Variants in UIMC1 observed in about 807,000 individuals in gnomAD.
UIMC1 encodes BRCA1-A complex subunit RAP80.
Under a neutral mutation model 84.9 loss-of-function variants are expected in UIMC1, and 42 were observed. The ratio of observed to expected loss-of-function variants is 0.49; its 90% CI spans 0.39 to 0.64. UIMC1 has a LOEUF of 0.64. Among genes scored for constraint, UIMC1 ranks in the 30% least tolerant of loss-of-function variants. The pLI, the probability that UIMC1 is intolerant of heterozygous loss-of-function variation, is 0.00. For missense variants in UIMC1, 825 were observed against 847.6 expected (o/e 0.97, Z 0.33); for synonymous variants, 281 against 293.0 (o/e 0.96, Z 0.42).
intron 10 of UIMC1, among the ~76,000 whole-genome samples, chr5:176,914,167 T>TC (rs976278970): frequency 3.3e-5 from 5 of 152,192 alleles, no homozygotes; most frequent in African/African-American, 1.2e-4. Context: ...ATTTTTTTTT[T>TC]CTCCCCTTAA....
intron 1 of UIMC1, among the ~76,000 whole-genome samples, chr5:177,021,947 T>G (rs576624437): frequency 6.6e-6 from 1 of 152,150 alleles, no homozygotes; most frequent in South Asian, 2.1e-4. Context: ...CCACCGCGCC[T>G]GGCCGGACTT....
intron 9 of UIMC1, among the ~76,000 whole-genome samples, chr5:176,949,335 T>C (rs1369186549): frequency 6.6e-6 from 1 of 152,184 alleles, no homozygotes; most frequent in Non-Finnish European, 1.5e-5. Context: ...ATTTGATATA[T>C]AGTAGCACAG....
chr5:176,969,801 T>A, intron 4 of UIMC1, 95 bp from the exon 5 acceptor site: 1 of 965,510 alleles, frequency 1.0e-6, no homozygotes, highest in Non-Finnish European at 1.6e-6. Flanking sequence ...CCACCGTTCA[T>A]AAGACTTTCT....
At chr5:176,930,300 G>A (rs1435546839) in intron 10 of UIMC1, among the ~76,000 whole-genome samples, 1 of 151,852 alleles carries the variant, frequency 6.6e-6, no homozygotes, top group Non-Finnish European at 1.5e-5. Context: ...AAAATATATT[G>A]ACCACCATAT....
chr5:176,943,574 T>C, intron 9 of UIMC1, 86 bp from the exon 10 acceptor site: 1 of 1,482,228 alleles, frequency 6.7e-7, no homozygotes, highest in Admixed American at 2.1e-5. Context: ...ACCCCATATT[T>C]CACTTACTTT....
chr5:176,908,371 G>GA (rs1759680636), intron 12 of UIMC1, 152 bp downstream of exon 12: 4 of 758,718 alleles, frequency 5.3e-6, no homozygotes, highest in Middle Eastern at 4.2e-4. Context: ...AAATTAAAAG[G>GA]AAAAATAATT....
intron 10 of UIMC1, among the ~76,000 whole-genome samples, chr5:176,933,513 CAT>C (rs1763365176): frequency 6.7e-6 from 1 of 150,046 alleles, no homozygotes; most frequent in Non-Finnish European, 1.5e-5. Flanking sequence ...TTACAAGGCT[CAT>C]TGCTAGTTTA....
chr5:176,931,009 T>TCC (rs1366527310), intron 10 of UIMC1, among the ~76,000 whole-genome samples: 1 of 150,642 alleles, frequency 6.6e-6, no homozygotes, highest in Non-Finnish European at 1.5e-5. Context: ...CCCCTGTGTG[T>TCC]CCCAGCTCTA....
At chr5:176,958,894 C>CT (rs1289672686) in intron 6 of UIMC1, among the ~76,000 whole-genome samples, 1 of 152,262 alleles carries the variant, frequency 6.6e-6, no homozygotes, top group East Asian at 1.9e-4. Flanking sequence ...AAAGCAGCTA[C>CT]TGCTGCCTTA....
upstream of UIMC1, among the ~76,000 whole-genome samples, chr5:177,010,130 C>A: frequency 6.6e-6 from 1 of 152,146 alleles, no homozygotes; most frequent in East Asian, 1.9e-4. Flanking sequence ...GCAGAAGGAT[C>A]TGTTGAGCCC....
chr5:176,947,065 A>C (rs1236615413), intron 9 of UIMC1, among the ~76,000 whole-genome samples: 1 of 152,186 alleles, frequency 6.6e-6, no homozygotes, highest in African/African-American at 2.4e-5. Flanking sequence ...CCACAGCTCT[A>C]TACAATGCAG....
At position 176,911,408 on chromosome 5, in the gene UIMC1, T is replaced by C. The variant is rs1304825489; in HGVS notation, c.1598-19A>G. ...GTCAATACTTTTAATATAAAAAATATATATATATACACATAGTTAGCTGCC... is the reference window on the plus strand; with the variant it reads ...GTCAATACTTTTAATATAAAAAATACATATATATACACATAGTTAGCTGCC... On this transcript the variant is annotated intron_variant, in intron 10 of 14. Transcript: ENST00000511320. 2.6e-6 allele frequency: 4 copies of C among 1,518,718 alleles called. No homozygotes were observed. Among genetic ancestry groups the C allele is most frequent in the African/African-American group, 1.4e-5 (1 of 70,722 alleles). The allele number at this position is 1,518,718 out of a possible 1,614,324, so 94.1% of individuals were successfully genotyped here. A position where few individuals can be genotyped will look rare whatever the true frequency, so the allele number is the denominator to read the frequency against.
At chr5:176,974,986 T>C (rs1769840769) in intron 3 of UIMC1, among the ~76,000 whole-genome samples, 1 of 151,576 alleles carries the variant, frequency 6.6e-6, no homozygotes, top group African/African-American at 2.4e-5. Flanking sequence ...GGACCCTGTG[T>C]TAAAAAAAAA....
Position 176,956,256 on chromosome 5 carries a change from G to T in UIMC1, c.1263-221C>A, listed in dbSNP as rs145456332. ...CAACTTCAGTTCCAGTGAAATCACT[G>T]AATGAAAACAAATTCCCTTTTGGAG... On this transcript the variant is annotated intron_variant, in intron 7 of 14. Transcript: ENST00000511320. 2.0e-5 allele frequency among the ~76,000 whole-genome samples: 3 copies of T among 152,312 alleles called. No individual in the cohort carries two copies. The East Asian group carries it at 5.8e-4, about 29-fold the overall frequency.
chr5:176,928,205 C>G (rs1324955639), intron 10 of UIMC1, among the ~76,000 whole-genome samples: 3 of 152,112 alleles, frequency 2.0e-5, no homozygotes, highest in South Asian at 2.1e-4. Flanking sequence ...TATAAATTGT[C>G]TATGGCTGCT....
intron 10 of UIMC1, among the ~76,000 whole-genome samples, chr5:176,926,144 T>C (rs559815299): frequency 2.0e-4 from 30 of 152,026 alleles, no homozygotes; most frequent in Non-Finnish European, 4.1e-4. Context: ...AAATTAAAGA[T>C]GAATAAAGAG....
At chr5:176,939,328 A>C (rs977835230) in intron 10 of UIMC1, among the ~76,000 whole-genome samples, 10 of 152,094 alleles carry the variant, frequency 6.6e-5, no homozygotes, top group Non-Finnish European at 1.2e-4. Context: ...AATATGAAGT[A>C]ATAGGTGATA....
At chr5:176,939,206 G>A (rs368374519) in intron 10 of UIMC1, among the ~76,000 whole-genome samples, 57 of 146,040 alleles carry the variant, frequency 3.9e-4, no homozygotes, top group African/African-American at 1.4e-3. Flanking sequence ...GCAATGAGCC[G>A]TAATTGTATC....
At chr5:177,015,625 G>A (rs1775653440) in intron 1 of UIMC1, among the ~76,000 whole-genome samples, 2 of 152,150 alleles carry the variant, frequency 1.3e-5, no homozygotes, top group African/African-American at 4.8e-5. Flanking sequence ...AGAAAAGGCT[G>A]GAAAGCATTA....
Sources: gnomAD v4.1 joint callset for allele counts (sites outside exome capture counted in the v4.1 genomes callset) on GRCh38, gnomAD v4.1.1 for gene constraint, MANE v1.5 for transcripts, NCBI Gene and HGNC (gene_info 2026-07-23, HGNC 2026-07-21) for gene names.